ZDHHC11: variants seen among roughly 807,000 people sequenced by gnomAD.
ZDHHC11 encodes the protein zDHHC palmitoyltransferase 11.
Under a neutral mutation model 51.3 loss-of-function variants are expected in ZDHHC11, and 44 were observed. The ratio of observed to expected loss-of-function variants is 0.86; its 90% confidence interval spans 0.67 to 1.10. The LOEUF (loss-of-function observed/expected upper bound fraction) is 1.10. Ranked by LOEUF, ZDHHC11 falls within the 50% of genes least tolerant of loss-of-function variation. The pLI is 0.00. For synonymous variants in ZDHHC11, 163 were observed against 222.0 expected, an observed-to-expected ratio of 0.73 and a Z score of 2.36; for missense variants, 400 against 537.7, an observed-to-expected ratio of 0.74 and a Z score of 2.53.
At chr5:860,408 C>T (rs977599675), upstream of ZDHHC11, among the ~76,000 whole-genome samples, 3 of 152,180 alleles carry the variant, frequency 2.0e-5, no homozygotes, top group African/African-American at 4.8e-5. This position sits in a 1 kb window ranked among gnomAD's most constrained non-coding sequence, Gnocchi z 4.2. Context: ...CTGCAGTTAA[C>T]GTCCTGACAC....
upstream of ZDHHC11, among the ~76,000 whole-genome samples, chr5:851,989 G>A (rs1470429920): frequency 2.6e-5 from 4 of 151,660 alleles, no homozygotes; most frequent in Admixed American, 1.3e-4. Flanking sequence ...CTGGGAGGTC[G>A]AGGCTGCAGT....
At chr5:838,030 T>A (rs1579718817) in intron 5 of ZDHHC11, among the ~76,000 whole-genome samples, 1 of 151,766 alleles carries the variant, frequency 6.6e-6, no homozygotes, top group South Asian at 2.1e-4. Flanking sequence ...GGCTAGCGGG[T>A]CCTGGGACCA....
chr5:854,570 CA>C (rs1469091906), upstream of ZDHHC11, among the ~76,000 whole-genome samples: 9 of 148,300 alleles, frequency 6.1e-5, no homozygotes, highest in Non-Finnish European at 1.2e-4. Context: ...AACAGTGAGC[CA>C]GGGGTCACAG....
rs1402818182 is a variant in ZDHHC11, at chr5:801,621, C to T, written c.1182-457G>A. ...TTGAGTACAGGTGTTTTGTTCTCTG[C>T]CCTGATGTTACACTACCCCAGCCAG... On this transcript the variant is annotated intron_variant, in intron 11 of 12. Transcript: ENST00000283441. Among the ~76,000 whole-genome samples the T allele has an allele frequency of 1.3e-5, 2 of 151,238 alleles. 1 individual carries two copies. The highest frequency in any genetic ancestry group is 4.9e-5 in the African/African-American group (2 of 41,146).
At chr5:824,880 T>C (rs549786704) in intron 8 of ZDHHC11, among the ~76,000 whole-genome samples, 12 of 151,668 alleles carry the variant, frequency 7.9e-5, no homozygotes, top group East Asian at 3.9e-4. Flanking sequence ...AGAGCCTGCC[T>C]TGGGCATCTG....
rs1239790142 is a variant in ZDHHC11 at position 801,865 on chromosome 5, C to T, written c.1182-701G>A. ...GACTTCTAAATCAAAACTGCGTATCCATCACATGCTATAGTCTCCCTTCTC... is the reference window on the plus strand; with the variant it reads ...GACTTCTAAATCAAAACTGCGTATCTATCACATGCTATAGTCTCCCTTCTC... On this transcript the variant is annotated intron_variant, in intron 11 of 12. Coordinates refer to ENST00000283441, the MANE Select transcript of ZDHHC11 (RefSeq NM_024786.3). 1.3e-4 allele frequency among the ~76,000 whole-genome samples: 19 copies of T among 151,402 alleles called. 2 individuals are homozygous for T. The highest frequency in any genetic ancestry group is 1.2e-3 in the Admixed American group (19 of 15,208).
intron 6 of ZDHHC11, among the ~76,000 whole-genome samples, chr5:834,857 G>C (rs372281782): frequency 1.3e-5 from 2 of 151,986 alleles, no homozygotes; most frequent in East Asian, 3.9e-4. Context: ...TCATGTAAAC[G>C]TAACTTTTAT....
chr5:802,749 G>C (rs1360628008), intron 11 of ZDHHC11, among the ~76,000 whole-genome samples: 2 of 143,386 alleles, frequency 1.4e-5, no homozygotes, highest in Non-Finnish European at 3.0e-5. Flanking sequence ...CGAGGTGGGT[G>C]GATCACGAGG....
intron 10 of ZDHHC11, chr5:816,730 A>T (rs528482922): frequency 5.6e-6 from 3 of 537,482 alleles, no homozygotes; most frequent in South Asian, 4.9e-5. Flanking sequence ...ATCTAAGGAG[A>T]AGACCATCTT....
intron 11 of ZDHHC11, among the ~76,000 whole-genome samples, chr5:808,199 G>C (rs1232960596): frequency 1.3e-5 from 2 of 151,050 alleles, no homozygotes; most frequent in African/African-American, 4.9e-5. Context: ...GAGGGGTCAA[G>C]TTGCGCAGCC....
chr5:851,255 C>T (rs1318558437), upstream of ZDHHC11, among the ~76,000 whole-genome samples: 3 of 152,008 alleles, frequency 2.0e-5, no homozygotes, highest in Admixed American at 1.3e-4. Flanking sequence ...CGTCCAGCCA[C>T]GCGGGGCTGG....
At chr5:836,329 A>G (rs1190239434) in intron 6 of ZDHHC11, among the ~76,000 whole-genome samples, 4 of 150,318 alleles carry the variant, frequency 2.7e-5, no homozygotes, top group Admixed American at 6.6e-5. Context: ...ATTGATTCCT[A>G]GGCCTTAAGC....
At position 798,563 on chromosome 5, in the gene ZDHHC11, C is replaced by A. The variant is rs542146604; in HGVS notation, c.*8-1983G>T. Reference sequence around the variant, plus strand: ...CTTTATGCCATCGGTCTGTATTCCACGATCTTTAAAATCTACCTTAAGTAC... The same window carrying A: ...CTTTATGCCATCGGTCTGTATTCCAAGATCTTTAAAATCTACCTTAAGTAC... On this transcript the variant is annotated intron_variant, in intron 12 of 12. Coordinates refer to ENST00000283441, the MANE Select transcript of ZDHHC11 (RefSeq NM_024786.3). Among the ~76,000 whole-genome samples the A allele has an allele frequency of 4.0e-3, 607 of 150,004 alleles. 3 individuals are homozygous for A. Among genetic ancestry groups the A allele is most frequent in the Admixed American group, 7.1e-3 (104 of 14,674 alleles).
intron 3 of ZDHHC11, among the ~76,000 whole-genome samples, chr5:845,552 C>G (rs1335451178): frequency 6.6e-6 from 1 of 152,186 alleles, no homozygotes; most frequent in Non-Finnish European, 1.5e-5. Flanking sequence ...ACACCAGCGC[C>G]GCCTGCCTTC....
chr5:831,341 T>A lies in ZDHHC11; in HGVS notation c.935+2432A>T, dbSNP rs1364805825. On this transcript the variant is annotated intron_variant, in intron 7 of 12. Transcript: ENST00000283441. ...GCTCATGTCTGTAATCCCAGTCCTT[T>A]CGGAGGCTGGGGCAGGCAGATCACT... 5.7e-4 allele frequency among the ~76,000 whole-genome samples: 85 copies of A among 149,512 alleles called. 4 individuals carry two copies. The highest frequency in any genetic ancestry group is 3.6e-3 in the South Asian group (17 of 4,700).
chr5:821,922 A>C (rs764148856), intron 8 of ZDHHC11, 27 bp from the exon 9 acceptor site: 2 of 1,587,612 alleles, frequency 1.3e-6, no homozygotes, highest in East Asian at 4.5e-5. Flanking sequence ...CAAAATTCAT[A>C]GAATGAATTG....
rs1747099729 is a variant in ZDHHC11 at position 850,808 on chromosome 5, GAA to G, written c.-208_-207del. On this transcript the variant is annotated 5_prime_UTR_variant, in exon 1 of 13. An upstream open reading frame in the 5' UTR loses its in-frame stop. Coordinates refer to ENST00000283441, the MANE Select transcript of ZDHHC11 (RefSeq NM_024786.3). ...GGTGCAGGGCCCCGCCCAGGGGAAT[GAA>G]CAGACATGCTGCAGAATGTGACCCC... The G allele has an allele frequency of 6.2e-6, 4 of 645,162 alleles. No individual in the cohort carries two copies. In the African/African-American group the frequency reaches 7.3e-5, roughly 12 times the overall value. The allele number at this position is 645,162 out of a possible 1,614,324, so 40.0% of individuals were successfully genotyped here.
intron 7 of ZDHHC11, among the ~76,000 whole-genome samples, chr5:831,033 A>G (rs1743008004): frequency 6.7e-6 from 1 of 150,370 alleles, no homozygotes; most frequent in South Asian, 2.1e-4. Flanking sequence ...ATCATCAGAA[A>G]AACTTTTGTA....
intron 1 of ZDHHC11, among the ~76,000 whole-genome samples, chr5:857,551 C>T (rs1307370402): frequency 1.3e-5 from 2 of 151,988 alleles, no homozygotes; most frequent in East Asian, 3.9e-4. Context: ...GTCCTGGTCC[C>T]CGTCCTATCT....
Sources: allele counts gnomAD v4.1 joint callset (sites outside exome capture counted in the v4.1 genomes callset), GRCh38; gene constraint gnomAD v4.1.1; non-coding constraint Gnocchi (gnomAD v3.1); transcripts MANE v1.5; gene names NCBI Gene and HGNC (gene_info 2026-07-23, HGNC 2026-07-21).